RABGAP1L: variants seen among roughly 807,000 people sequenced by gnomAD.
The protein encoded by RABGAP1L is RAB GTPase activating protein 1 like.
In RABGAP1L, 63 loss-of-function variants were observed where a neutral mutation model predicts 137.7. The ratio of observed to expected loss-of-function variants is 0.46; its 90% CI spans 0.37 to 0.56. RABGAP1L has a LOEUF of 0.56. Among genes scored for constraint, RABGAP1L ranks in the 20% least tolerant of loss-of-function variants. RABGAP1L has a pLI of 0.00. For synonymous variants in RABGAP1L, 431 were observed against 433.7 expected (o/e 0.99, Z 0.08); for missense variants, 1,095 against 1,244.0 (o/e 0.88, Z 1.80).
At chr1:174,645,050 A>G (rs1462622222) in intron 14 of RABGAP1L, among the ~76,000 whole-genome samples, 3 of 152,140 alleles carry the variant, frequency 2.0e-5, no homozygotes, top group African/African-American at 7.2e-5. Flanking sequence ...TTGTTAAATA[A>G]GAAGATTTTA....
At chr1:174,173,167 G>C (rs1385615460) in intron 1 of RABGAP1L, among the ~76,000 whole-genome samples, 2 of 145,746 alleles carry the variant, frequency 1.4e-5, no homozygotes, top group Non-Finnish European at 3.0e-5. Context: ...TCTCACTCTT[G>C]TTGCCCAGGC....
chr1:174,353,818 C>A (rs376397203), intron 11 of RABGAP1L, among the ~76,000 whole-genome samples: 1 of 152,174 alleles, frequency 6.6e-6, no homozygotes, highest in South Asian at 2.1e-4. Context: ...GTAGGCAGTT[C>A]AAGACCATCT....
chr1:174,493,994 A>G (rs537978647), intron 13 of RABGAP1L, among the ~76,000 whole-genome samples: 1 of 152,238 alleles, frequency 6.6e-6, no homozygotes, highest in African/African-American at 2.4e-5. Flanking sequence ...TTTCAGTTAG[A>G]TGGTATTTTT....
intron 19 of RABGAP1L, among the ~76,000 whole-genome samples, chr1:174,846,455 T>A (rs1301970532): frequency 2.0e-5 from 3 of 149,430 alleles, no homozygotes; most frequent in Admixed American, 6.7e-5. Context: ...TCAAAGAACA[T>A]CTTTATTTCT....
intron 13 of RABGAP1L, among the ~76,000 whole-genome samples, chr1:174,618,844 G>C (rs1470315871): frequency 6.6e-6 from 1 of 152,190 alleles, no homozygotes; most frequent in Admixed American, 6.5e-5. Flanking sequence ...GCTACTCCAA[G>C]CTACAGGACG....
intron 13 of RABGAP1L, among the ~76,000 whole-genome samples, chr1:174,485,915 A>AT (rs1292728629): frequency 6.6e-6 from 1 of 152,100 alleles, no homozygotes; most frequent in East Asian, 1.9e-4. Flanking sequence ...TCAGATTGAT[A>AT]TTATTTCTTC....
chr1:174,391,100 G>C (rs1451080111), intron 12 of RABGAP1L, among the ~76,000 whole-genome samples: 3 of 152,176 alleles, frequency 2.0e-5, no homozygotes, highest in Non-Finnish European at 4.4e-5. Flanking sequence ...AGTGAAAGGA[G>C]TGAAAATATG....
At chr1:174,199,049 A>G (rs1020629867) in intron 1 of RABGAP1L, among the ~76,000 whole-genome samples, 6 of 151,662 alleles carry the variant, frequency 4.0e-5, no homozygotes, top group African/African-American at 7.3e-5. Flanking sequence ...CGGAGGTTGC[A>G]GTGAGCCAAG....
At chr1:174,875,814 T>A (rs952017811) in intron 19 of RABGAP1L, 1 of 645,184 alleles carries the variant, frequency 1.5e-6, no homozygotes, top group Non-Finnish European at 1.9e-6. Flanking sequence ...GAAAAAAATG[T>A]TAACGAAAAT....
intron 17 of RABGAP1L, among the ~76,000 whole-genome samples, chr1:174,729,728 TCA>T (rs1408208605): frequency 1.3e-5 from 2 of 152,060 alleles, no homozygotes; most frequent in Admixed American, 6.5e-5. Flanking sequence ...ATGCTCCATA[TCA>T]CTAATCATCA....
At chr1:174,633,215 C>T (rs935750171) in intron 13 of RABGAP1L, among the ~76,000 whole-genome samples, 32 of 148,920 alleles carry the variant, frequency 2.1e-4, no homozygotes, top group Admixed American at 6.1e-4. Flanking sequence ...GTACAAAAAT[C>T]ACAAGCATTC....
intron 13 of RABGAP1L, among the ~76,000 whole-genome samples, chr1:174,554,048 A>G (rs1225169342): frequency 6.6e-6 from 1 of 152,166 alleles, no homozygotes; most frequent in African/African-American, 2.4e-5. Context: ...CTCCTCTTCA[A>G]GATTAATAAA....
chr1:174,183,306 C>A (rs1031608313), intron 1 of RABGAP1L, among the ~76,000 whole-genome samples: 1 of 152,188 alleles, frequency 6.6e-6, no homozygotes, highest in Non-Finnish European at 1.5e-5. Flanking sequence ...GTGAAGATCA[C>A]GGCTCACTGG....
At chr1:174,647,728 A>T (rs1441768650) in intron 14 of RABGAP1L, among the ~76,000 whole-genome samples, 1 of 151,390 alleles carries the variant, frequency 6.6e-6, no homozygotes, top group Non-Finnish European at 1.5e-5. Flanking sequence ...TCATAAAATG[A>T]GTTAGGGAGG....
intron 1 of RABGAP1L, among the ~76,000 whole-genome samples, chr1:174,183,769 C>G (rs1043930226): frequency 8.5e-5 from 13 of 152,092 alleles, no homozygotes; most frequent in African/African-American, 2.7e-4. Context: ...CAGCCTATTC[C>G]TCCCTCCCTG....
intron 1 of RABGAP1L, among the ~76,000 whole-genome samples, chr1:174,214,684 A>T (rs756814534): frequency 6.6e-6 from 1 of 152,208 alleles, no homozygotes; most frequent in Non-Finnish European, 1.5e-5. Context: ...ATAAATCTGT[A>T]CATCTATGGT....
Position 174,324,422 on chromosome 1 carries a change from G to T in RABGAP1L, c.1465+19295G>T, listed in dbSNP as rs547377266. Among the ~76,000 whole-genome samples, 22 of 152,246 alleles carry T rather than the reference G, an allele frequency of 1.4e-4. No individual in the cohort carries two copies. The South Asian group carries it at 2.3e-3, about 16-fold the overall frequency. On this transcript the variant is annotated intron_variant, in intron 11 of 25. Transcript: ENST00000681986. ...CCAGCAAATGAGATAGGAAACACAG[G>T]GGGGAGGAAGTGTGGGTTTGGAGGT...
chr1:174,268,853 A>G (rs1320616915), intron 7 of RABGAP1L, among the ~76,000 whole-genome samples: 1 of 152,138 alleles, frequency 6.6e-6, no homozygotes, highest in Non-Finnish European at 1.5e-5. Flanking sequence ...CTTAATGGTA[A>G]TGGTAATTAT....
intron 13 of RABGAP1L, among the ~76,000 whole-genome samples, chr1:174,419,324 A>G (rs1650981074): frequency 6.6e-6 from 1 of 152,214 alleles, no homozygotes; most frequent in Non-Finnish European, 1.5e-5. Flanking sequence ...CTATCAGGCA[A>G]TGTCAACACT....
Sources: gnomAD v4.1 joint callset for allele counts (sites outside exome capture counted in the v4.1 genomes callset) on GRCh38, gnomAD v4.1.1 for gene constraint, MANE v1.5 for transcripts, NCBI Gene and HGNC (gene_info 2026-07-23, HGNC 2026-07-21) for gene names.